The following KCNIP4 variants were observed in gnomAD, a reference collection of about 807,000 sequenced individuals.
KCNIP4 encodes potassium voltage-gated channel interacting protein 4, also known as Kv channel-interacting protein 4.
Under a neutral mutation model 34.0 loss-of-function variants are expected in KCNIP4, and 12 were observed. That is an observed-to-expected ratio of 0.35 (90% CI 0.23 to 0.57). The LOEUF (loss-of-function observed/expected upper bound fraction) is 0.57, where lower values mean the gene tolerates loss of function less well. Ranked by LOEUF, KCNIP4 falls within the 20% of genes least tolerant of loss-of-function variation. KCNIP4 has a pLI of 0.83. For synonymous variants in KCNIP4, 124 were observed against 102.2 expected (o/e 1.21, Z -1.29); for missense variants, 238 against 311.7 (o/e 0.76, Z 1.78).
intron 1 of KCNIP4, among the ~76,000 whole-genome samples, chr4:21,725,311 G>A (rs1473975500): frequency 6.6e-6 from 1 of 152,112 alleles, no homozygotes; most frequent in African/African-American, 2.4e-5. Context: ...GTGAATAACA[G>A]TCTGGAGCTG....
At chr4:21,318,363 T>C (rs757712113) in intron 1 of KCNIP4, among the ~76,000 whole-genome samples, 3 of 152,144 alleles carry the variant, frequency 2.0e-5, no homozygotes, top group Non-Finnish European at 2.9e-5. Context: ...CACAGCATCA[T>C]TGTGAGTCAA....
At chr4:21,210,749 T>A (rs964315035) in intron 1 of KCNIP4, among the ~76,000 whole-genome samples, 12 of 152,174 alleles carry the variant, frequency 7.9e-5, no homozygotes, top group Non-Finnish European at 1.3e-4. Flanking sequence ...TGAAGACAGA[T>A]CCTATTTTCT....
At chr4:21,049,044 G>A (rs1030914919) in intron 1 of KCNIP4, among the ~76,000 whole-genome samples, 13 of 141,240 alleles carry the variant, frequency 9.2e-5, no homozygotes, top group African/African-American at 2.4e-4. Context: ...TCCGCCTCCC[G>A]GGTTCACGCC....
At chr4:21,550,836 G>C (rs917516232) in intron 1 of KCNIP4, among the ~76,000 whole-genome samples, 1 of 152,072 alleles carries the variant, frequency 6.6e-6, no homozygotes, top group African/African-American at 2.4e-5. Flanking sequence ...AAAAACCACA[G>C]TTCTCAATCT....
intron 1 of KCNIP4, among the ~76,000 whole-genome samples, chr4:21,936,303 T>C (rs1162096487): frequency 1.3e-5 from 2 of 152,120 alleles, no homozygotes; most frequent in Non-Finnish European, 2.9e-5. Flanking sequence ...GATGGTTTTA[T>C]AAGGGGCTTC....
intron 1 of KCNIP4, among the ~76,000 whole-genome samples, chr4:21,931,003 G>A (rs1368628096): frequency 6.6e-6 from 1 of 152,114 alleles, no homozygotes; most frequent in Admixed American, 6.5e-5. Context: ...CTAAACTCAT[G>A]GAGTCTCAAT....
At chr4:20,942,196 G>T (rs73242586) in intron 1 of KCNIP4, among the ~76,000 whole-genome samples, 7,803 of 152,226 alleles carry the variant, frequency 0.051, 205 homozygotes, top group Middle Eastern at 0.1. Context: ...CCTGGCCACT[G>T]CTGCAATGAG....
chr4:21,694,196 C>A (rs938136842), intron 1 of KCNIP4, among the ~76,000 whole-genome samples: 1 of 152,106 alleles, frequency 6.6e-6, no homozygotes, highest in Non-Finnish European at 1.5e-5. Flanking sequence ...CTATCATACA[C>A]AAATAGAAGT....
At chr4:21,544,961 G>T (rs1220629071) in intron 1 of KCNIP4, among the ~76,000 whole-genome samples, 1 of 152,006 alleles carries the variant, frequency 6.6e-6, no homozygotes, top group Non-Finnish European at 1.5e-5. Context: ...CTTGAATAGG[G>T]GCTGGGTAAA....
At chr4:21,731,075 C>T (rs1715558244) in intron 1 of KCNIP4, among the ~76,000 whole-genome samples, 1 of 149,436 alleles carries the variant, frequency 6.7e-6, no homozygotes, top group South Asian at 2.1e-4. Context: ...AATTGTGCCA[C>T]TGCACTCCAG....
chr4:21,166,264 C>G (rs1753620592), intron 1 of KCNIP4, among the ~76,000 whole-genome samples: 2 of 152,100 alleles, frequency 1.3e-5, no homozygotes, highest in Admixed American at 1.3e-4. Flanking sequence ...TTTGAGCAGA[C>G]ACTTCCACCA....
At chr4:21,268,475 A>G (rs898894388) in intron 1 of KCNIP4, among the ~76,000 whole-genome samples, 6 of 152,082 alleles carry the variant, frequency 3.9e-5, no homozygotes, top group Admixed American at 2.0e-4. Flanking sequence ...GTTTCCTCTC[A>G]TTAATTAGCT....
intron 1 of KCNIP4, among the ~76,000 whole-genome samples, chr4:21,449,507 G>T (rs1328107924): frequency 6.6e-6 from 1 of 151,928 alleles, no homozygotes; most frequent in Non-Finnish European, 1.5e-5. Flanking sequence ...AACTAATGCA[G>T]TGAGAAGCAC....
chr4:21,486,516 G>A (rs1333354058), intron 1 of KCNIP4, among the ~76,000 whole-genome samples: 8 of 152,150 alleles, frequency 5.3e-5, no homozygotes, highest in African/African-American at 1.9e-4. Flanking sequence ...CAGTAAAAAT[G>A]TGAGTTTTGC....
intron 1 of KCNIP4, among the ~76,000 whole-genome samples, chr4:20,936,368 T>G (rs553670034): frequency 6.6e-6 from 1 of 152,146 alleles, no homozygotes; most frequent in Non-Finnish European, 1.5e-5. Context: ...TTAGCAAACA[T>G]TTATTCCGGA....
chr4:20,779,408 G>T (rs1756650030), intron 3 of KCNIP4, among the ~76,000 whole-genome samples: 1 of 151,974 alleles, frequency 6.6e-6, no homozygotes, highest in African/African-American at 2.4e-5. Context: ...ATTTTTGTTT[G>T]GTTTTCCCCA....
chr4:20,988,040 T>C (rs1736754452), intron 1 of KCNIP4, among the ~76,000 whole-genome samples: 1 of 133,924 alleles, frequency 7.5e-6, no homozygotes, highest in Non-Finnish European at 1.6e-5. Flanking sequence ...TATTAACTAA[T>C]TTAATCCTTT....
chr4:21,392,107 G>A (rs1439862892), intron 1 of KCNIP4, among the ~76,000 whole-genome samples: 1 of 152,176 alleles, frequency 6.6e-6, no homozygotes, highest in Non-Finnish European at 1.5e-5. Flanking sequence ...GCAGGAGATA[G>A]ACTCTTCTGC....
intron 1 of KCNIP4, among the ~76,000 whole-genome samples, chr4:21,661,913 A>T (rs1748483319): frequency 6.6e-6 from 1 of 152,230 alleles, no homozygotes; most frequent in Admixed American, 6.5e-5. Flanking sequence ...TTAAAAAATT[A>T]GCTTAGATCG....
Sources: allele counts gnomAD v4.1 joint callset (sites outside exome capture counted in the v4.1 genomes callset), GRCh38; gene constraint gnomAD v4.1.1; transcripts MANE v1.5; gene names NCBI Gene and HGNC (gene_info 2026-07-23, HGNC 2026-07-21).